ZNF777: variants seen among roughly 807,000 people sequenced by gnomAD.
The protein encoded by ZNF777 is zinc finger protein 777.
In ZNF777, 7 loss-of-function variants were observed where a neutral mutation model predicts 72.1. The observed-to-expected ratio is 0.10, with a 90% confidence interval of 0.06 to 0.18. The LOEUF (loss-of-function observed/expected upper bound fraction) is 0.18, where lower values mean the gene tolerates loss of function less well. Ranked by LOEUF, ZNF777 falls within the 10% of genes least tolerant of loss-of-function variation. The pLI is 1.00. For missense variants in ZNF777, 828 were observed against 1,128.6 expected, an observed-to-expected ratio of 0.73 and a Z score of 3.82; for synonymous variants, 545 against 483.5, an observed-to-expected ratio of 1.13 and a Z score of -1.67.
rs960700819 is a variant in ZNF777 at position 149,460,944 on chromosome 7, C to T, written c.-145G>A. 1 of 152,260 alleles carries T rather than the reference C, an allele frequency of 6.6e-6. No homozygotes were observed. Among genetic ancestry groups the T allele is most frequent in the Admixed American group, 6.5e-5 (1 of 15,290 alleles). 9.4% of individuals were successfully genotyped at this position (152,260 alleles called of 1,614,324 possible). The stretch of plus-strand genomic sequence containing the variant: ...CGGCTTGATTGGCTCCGACAGCCTT[C>T]CTCCCGCCGATCCCCTGCGCCTCTC... On this transcript the variant is annotated 5_prime_UTR_variant, in exon 1 of 6. Coordinates refer to ENST00000247930, the MANE Select transcript of ZNF777 (RefSeq NM_015694.3). This position sits in a 1 kb window ranked among gnomAD's most constrained non-coding sequence, Gnocchi z 6.1.
intron 4 of ZNF777, among the ~76,000 whole-genome samples, chr7:149,442,132 G>A (rs1433579991): frequency 1.3e-5 from 2 of 149,468 alleles, no homozygotes; most frequent in Non-Finnish European, 3.0e-5. Context: ...CAGGAGAATC[G>A]CTTGAACCCG....
chr7:149,437,799 C>T (rs200033535), intron 4 of ZNF777, among the ~76,000 whole-genome samples: 25 of 115,600 alleles, frequency 2.2e-4, no homozygotes, highest in Middle Eastern at 5.1e-3. Flanking sequence ...ATGTTTGTTT[C>T]TTTTTCTTTT....
At chr7:149,446,968 C>T (rs1350783919) in intron 4 of ZNF777, among the ~76,000 whole-genome samples, 2 of 152,180 alleles carry the variant, frequency 1.3e-5, no homozygotes, top group Non-Finnish European at 2.9e-5. Flanking sequence ...CTCTCTCCTT[C>T]TGGAAGCATC....
chr7:149,439,963 TTA>T (rs1338264427), intron 4 of ZNF777, among the ~76,000 whole-genome samples: 1 of 152,222 alleles, frequency 6.6e-6, no homozygotes, highest in Non-Finnish European at 1.5e-5. Flanking sequence ...AGAATCAATT[TTA>T]GTCTTTTTCA....
chr7:149,455,103 T>A lies in ZNF777; in HGVS notation c.846+74A>T. 5.3e-6 allele frequency: 8 copies of A among 1,513,054 alleles called. No individual in the cohort carries two copies. Among genetic ancestry groups the A allele is most frequent in the Non-Finnish European group, 7.1e-6 (8 of 1,129,682 alleles). The allele number at this position is 1,513,054 out of a possible 1,614,324, so 93.7% of individuals were successfully genotyped here. Reference sequence around the variant, plus strand: ...CTTTATCAACCACCCCTTTCTTTCATATTACACTACATTCCTAAACCACAC... The same window carrying A: ...CTTTATCAACCACCCCTTTCTTTCAAATTACACTACATTCCTAAACCACAC... On this transcript the variant is annotated intron_variant, in intron 2 of 5. Coordinates refer to ENST00000247930, the MANE Select transcript of ZNF777 (RefSeq NM_015694.3). This position sits in a 1 kb window ranked among gnomAD's most constrained non-coding sequence, Gnocchi z 4.2.
At chr7:149,448,064 G>T (rs1178839112) in intron 4 of ZNF777, among the ~76,000 whole-genome samples, 1 of 152,096 alleles carries the variant, frequency 6.6e-6, no homozygotes, top group Non-Finnish European at 1.5e-5. Context: ...ATCATACTGT[G>T]ATTTATATTT....
chr7:149,457,111 T>C (rs187600303), intron 1 of ZNF777, among the ~76,000 whole-genome samples: 1 of 152,196 alleles, frequency 6.6e-6, no homozygotes, highest in Non-Finnish European at 1.5e-5. Flanking sequence ...TTGGGGGGAC[T>C]AGACCAACAT....
chr7:149,458,465 GTCTC>G lies in ZNF777; in HGVS notation c.-16+2346_-16+2349del, dbSNP rs1448007100. ...GAAAAAATCCCTGGGGAGCAAGTTAGTCTCTCTGAGTAATGCAGAGGTTTAACTG... is the reference window on the plus strand; with the variant it reads ...GAAAAAATCCCTGGGGAGCAAGTTAGTCTGAGTAATGCAGAGGTTTAACTG... On this transcript the variant is annotated intron_variant, in intron 1 of 5. Transcript: ENST00000247930. 2.2e-4 allele frequency among the ~76,000 whole-genome samples: 33 copies of G among 152,208 alleles called. 1 individual carries two copies. The South Asian group carries it at 5.8e-3, about 27-fold the overall frequency.
In ZNF777 at chr7:149,455,665, G is replaced by A. The variant is rs1799813153; in HGVS notation, c.358C>T (p.His120Tyr). The change falls in exon 2 of 6, where the codon CAC becomes TAC. Residue 120 changes from histidine (H) to tyrosine (Y), a missense_variant. This residue lies in a region of ZNF777 where 222 missense variants were observed against 211.2 expected (regional missense o/e 1.05). Coordinates refer to ENST00000247930, the MANE Select transcript of ZNF777 (RefSeq NM_015694.3). This position sits in a 1 kb window ranked among gnomAD's most constrained non-coding sequence, Gnocchi z 4.2. The part of the protein sequence containing the change: ...AAEQEVSLLS[H>Y]SPHHQEAPVH... ...GGGGCTTCCTGGTGGTGGGGGGAGT[G>A]GGAGAGAAGGGAGACTTCTTGTTCA... 1 of 1,565,144 alleles carries A rather than the reference G, an allele frequency of 6.4e-7. No homozygotes were observed. Among genetic ancestry groups the A allele is most frequent in the Non-Finnish European group, 8.6e-7 (1 of 1,156,138 alleles).
Position 149,456,005 on chromosome 7 carries a change from T to C in ZNF777, c.18A>G (p.Ser6=), listed in dbSNP as rs368138179. MENQR[S]SPLSFPSVPQ... Reference sequence around the variant, plus strand: ...GAACACTGGGGAACGACAGAGGTGATGAGCGTTGGTTCTCCATGTCCAGCT... The same window carrying C: ...GAACACTGGGGAACGACAGAGGTGACGAGCGTTGGTTCTCCATGTCCAGCT... The change falls in exon 2 of 6, where the codon TCA becomes TCG. Residue 6 remains serine (S), a synonymous_variant. Transcript: ENST00000247930. The C allele has an allele frequency of 1.3e-6, 2 of 1,591,544 alleles. No homozygotes were observed. Among genetic ancestry groups the C allele is most frequent in the African/African-American group, 2.7e-5 (2 of 73,832 alleles).
chr7:149,448,501 A>AAC (rs1799647010), intron 4 of ZNF777, among the ~76,000 whole-genome samples: 2 of 135,852 alleles, frequency 1.5e-5, no homozygotes, highest in Non-Finnish European at 3.1e-5. Context: ...ATATATATAT[A>AAC]TATATATATA....
chr7:149,439,132 C>T (rs1033951378), intron 4 of ZNF777, among the ~76,000 whole-genome samples: 1 of 152,038 alleles, frequency 6.6e-6, no homozygotes, highest in African/African-American at 2.4e-5. Context: ...CCTCCTGTCA[C>T]TGAACTCCTC....
At chr7:149,448,579 C>CTCTATATATATA (rs1799655266) in intron 4 of ZNF777, among the ~76,000 whole-genome samples, 1 of 115,104 alleles carries the variant, frequency 8.7e-6, no homozygotes, top group Admixed American at 8.9e-5. Context: ...ATACATATAA[C>CTCTATATATATA]TATATATATA....
At position 149,460,040 on chromosome 7, in the gene ZNF777, G is replaced by A; in HGVS notation, c.-16+775C>T. The A allele has an allele frequency of 1.0e-6, 1 of 981,732 alleles. No homozygotes were observed. Among genetic ancestry groups the A allele is most frequent in the Non-Finnish European group, 1.2e-6 (1 of 828,304 alleles). 60.8% of individuals were successfully genotyped at this position (981,732 alleles called of 1,614,324 possible). ...GTTTCTGCCCCTTACCGAGATCCCA[G>A]GCCGGGCCGCCGAGCCCGGGACACG... On this transcript the variant is annotated intron_variant, in intron 1 of 5. Transcript: ENST00000247930. The surrounding 1 kb of genome is among the most constrained non-coding windows in gnomAD (Gnocchi z 6.1).
At position 149,432,767 on chromosome 7, in the gene ZNF777, C is replaced by T; in HGVS notation, c.1505G>A (p.Ser502Asn). ...GTTTCCTAGCTGCAGGGGCGGGGGG[C>T]TCTCCTCGCCCTCGGGGGACATCTC... ...PGEMSPEGEESPPPLQLGNPA... is the reference protein window; with the variant it reads ...PGEMSPEGEENPPPLQLGNPA... Residue 502 changes from serine (S) to asparagine (N), a missense_variant, in exon 6 of 6, where the codon AGC becomes AAC. By Grantham distance (46) the Ser-to-Asn change is conservative. Around this residue, in one of 12 missense-constraint regions of ZNF777, gnomAD observed 219 missense variants for 223.0 expected, o/e 0.98. Transcript: ENST00000247930. The T allele has an allele frequency of 1.2e-6, 2 of 1,610,186 alleles. No individual in the cohort carries two copies. The highest frequency in any genetic ancestry group is 1.7e-6 in the Non-Finnish European group (2 of 1,177,272).
At chr7:149,444,441 C>G (rs912238501) in intron 4 of ZNF777, among the ~76,000 whole-genome samples, 1 of 152,192 alleles carries the variant, frequency 6.6e-6, no homozygotes, top group Non-Finnish European at 1.5e-5. Flanking sequence ...CTGGCTGCCT[C>G]TAGGTGCACA....
intron 4 of ZNF777, among the ~76,000 whole-genome samples, chr7:149,444,473 T>G (rs1311802907): frequency 2.6e-5 from 4 of 152,178 alleles, no homozygotes; most frequent in Admixed American, 2.0e-4. Flanking sequence ...GGAATGCCCC[T>G]GGGCCGTGTG....
intron 4 of ZNF777, among the ~76,000 whole-genome samples, chr7:149,442,622 A>ACG (rs1799542158): frequency 6.6e-6 from 1 of 152,062 alleles, no homozygotes; most frequent in South Asian, 2.1e-4. Context: ...TCTGTCTAAA[A>ACG]AAAAAAAAAA....
intron 4 of ZNF777, among the ~76,000 whole-genome samples, chr7:149,441,333 C>T (rs923169174): frequency 2.0e-5 from 3 of 152,170 alleles, no homozygotes; most frequent in Admixed American, 2.0e-4. Context: ...GGGAAAAAAG[C>T]TACTTCACAT....
Sources: allele counts gnomAD v4.1 joint callset (sites outside exome capture counted in the v4.1 genomes callset), GRCh38; gene constraint gnomAD v4.1.1; regional missense constraint gnomAD v4.1.1; non-coding constraint Gnocchi (gnomAD v3.1); transcripts MANE v1.5; gene names NCBI Gene and HGNC (gene_info 2026-07-23, HGNC 2026-07-21).